The following ANO3 variants were observed in gnomAD, a reference collection of about 807,000 sequenced individuals.
The protein encoded by ANO3 is anoctamin-3.
A neutral mutation model predicts 144.8 loss-of-function variants in ANO3; 99 were observed. The ratio of observed to expected loss-of-function variants is 0.68; its 90% CI spans 0.58 to 0.81. The LOEUF is 0.81. Ranked by LOEUF, ANO3 falls within the 30% of genes least tolerant of loss-of-function variation. The probability of loss-of-function intolerance (pLI) is 0.00; values close to 1 mark genes in which losing one functional copy is unlikely to be tolerated. For missense variants in ANO3, 905 were observed against 1,202.2 expected, an observed-to-expected ratio of 0.75 and a Z score of 3.66; for synonymous variants, 414 against 392.6, an observed-to-expected ratio of 1.05 and a Z score of -0.64.
At chr11:26,450,546 G>C (rs753731654) in intron 3 of ANO3, among the ~76,000 whole-genome samples, 2 of 152,162 alleles carry the variant, frequency 1.3e-5, no homozygotes, top group Admixed American at 1.3e-4. Context: ...GCTTCTGTAG[G>C]ATAATTTTTA....
intron 4 of ANO3, among the ~76,000 whole-genome samples, chr11:26,470,079 G>A (rs73447723): frequency 0.054 from 8,135 of 151,852 alleles, 523 homozygotes; most frequent in African/African-American, 0.15. Context: ...TTAGTTCTAG[G>A]AATTTATGCA....
intron 1 of ANO3, among the ~76,000 whole-genome samples, chr11:26,312,035 T>A (rs1370251055): frequency 2.0e-5 from 3 of 152,126 alleles, no homozygotes; most frequent in African/African-American, 7.2e-5. Context: ...GTGTGTGATG[T>A]TCCCCACCCG....
In ANO3 at chr11:26,573,079, G is replaced by A. The variant is rs563177892; in HGVS notation, c.1447+13300G>A. Among the ~76,000 whole-genome samples the A allele has an allele frequency of 9.2e-5, 14 of 152,256 alleles. No homozygotes were observed. The East Asian group carries it at 1.2e-3, about 13-fold the overall frequency. ...CATCAGCGTTTGGGGATGGCGCCAA[G>A]GGCCGTTCAGCTCAATATGCCTGAG... On this transcript the variant is annotated intron_variant, in intron 14 of 26. Coordinates refer to ENST00000256737, the MANE Select transcript of ANO3 (RefSeq NM_031418.4).
intron 17 of ANO3, among the ~76,000 whole-genome samples, chr11:26,616,308 G>C (rs1456070458): frequency 5.9e-5 from 9 of 152,044 alleles, no homozygotes; most frequent in Non-Finnish European, 1.2e-4. Flanking sequence ...ATGTAGGTTG[G>C]TGCAAAAGTT....
At chr11:26,349,276 A>G (rs1011347879) in intron 1 of ANO3, among the ~76,000 whole-genome samples, 1 of 152,182 alleles carries the variant, frequency 6.6e-6, no homozygotes, top group Non-Finnish European at 1.5e-5. Context: ...CTAAGTTTAG[A>G]TATTACTTCT....
intron 1 of ANO3, among the ~76,000 whole-genome samples, chr11:26,432,595 G>A (rs144885875): frequency 2.6e-5 from 4 of 152,108 alleles, no homozygotes; most frequent in Admixed American, 2.0e-4. Flanking sequence ...ATAAGGAAGG[G>A]GTCCAGTTTC....
At chr11:26,276,135 T>C (rs539214462) in intron 1 of ANO3, among the ~76,000 whole-genome samples, 342 of 152,302 alleles carry the variant, frequency 2.2e-3, no homozygotes, top group African/African-American at 8.1e-3. Flanking sequence ...GGCTGCACTT[T>C]GGAGCCTGGC....
chr11:26,398,424 T>G (rs1857070639), intron 1 of ANO3, among the ~76,000 whole-genome samples: 1 of 152,086 alleles, frequency 6.6e-6, no homozygotes, highest in Admixed American at 6.6e-5. Flanking sequence ...GTATTTCACA[T>G]ATATGTGCAA....
intron 14 of ANO3, among the ~76,000 whole-genome samples, chr11:26,586,327 T>A (rs1306552494): frequency 6.6e-6 from 1 of 150,638 alleles, no homozygotes; most frequent in East Asian, 2.0e-4. Flanking sequence ...TGATTTTATC[T>A]GGGGCTGTCG....
At position 26,660,408 on chromosome 11, in the gene ANO3, A is replaced by G. The variant is rs748571717; in HGVS notation, c.2910A>G (p.Arg970=). The G allele has an allele frequency of 5.6e-6, 9 of 1,612,680 alleles. No individual in the cohort carries two copies. The highest frequency in any genetic ancestry group is 5.9e-6 in the Non-Finnish European group (7 of 1,179,268). The change falls in exon 27 of 27, where the codon AGA becomes AGG. Residue 970 remains arginine (R), a synonymous_variant. Coordinates refer to ENST00000256737, the MANE Select transcript of ANO3 (RefSeq NM_031418.4). The part of the protein sequence containing the change: ...AELEHLQQQR[R]KSGQPVHHEW... ...TGGAACATTTGCAACAACAACGGAGAAAAAGTGGTCAGCCTGTTCACCATG... is the reference window on the plus strand; with the variant it reads ...TGGAACATTTGCAACAACAACGGAGGAAAAGTGGTCAGCCTGTTCACCATG...
At chr11:26,640,391 G>A (rs1424916131) in intron 21 of ANO3, among the ~76,000 whole-genome samples, 1 of 152,166 alleles carries the variant, frequency 6.6e-6, no homozygotes, top group African/African-American at 2.4e-5. Flanking sequence ...CCTAAACAAA[G>A]AGAGAATAGA....
intron 1 of ANO3, among the ~76,000 whole-genome samples, chr11:26,231,099 A>T (rs1211622293): frequency 6.6e-6 from 1 of 151,918 alleles, no homozygotes; most frequent in African/African-American, 2.4e-5. Flanking sequence ...GGCTGGTCTC[A>T]AACTCCTTAC....
chr11:26,311,036 T>C (rs1854490651), intron 1 of ANO3, among the ~76,000 whole-genome samples: 1 of 152,150 alleles, frequency 6.6e-6, no homozygotes, highest in Non-Finnish European at 1.5e-5. Flanking sequence ...CAGGTCATTA[T>C]CAGAAGTTTC....
chr11:26,437,148 A>G (rs1858324952), intron 1 of ANO3, among the ~76,000 whole-genome samples: 1 of 152,182 alleles, frequency 6.6e-6, no homozygotes, highest in Admixed American at 6.5e-5. Context: ...CCTGCAGACC[A>G]TCACTGCTCA....
At chr11:26,416,940 C>G (rs1857606216) in intron 1 of ANO3, among the ~76,000 whole-genome samples, 2 of 152,004 alleles carry the variant, frequency 1.3e-5, no homozygotes, top group Admixed American at 1.3e-4. Context: ...AAACTATCCT[C>G]TAATAGTTTT....
chr11:26,355,347 A>G (rs1855751600), intron 1 of ANO3, among the ~76,000 whole-genome samples: 1 of 151,982 alleles, frequency 6.6e-6, no homozygotes, highest in African/African-American at 2.4e-5. Context: ...TTTTCCTTTC[A>G]TCACTTTTAT....
chr11:26,323,186 T>C (rs1390046002), intron 1 of ANO3, among the ~76,000 whole-genome samples: 1 of 152,058 alleles, frequency 6.6e-6, no homozygotes, highest in African/African-American at 2.4e-5. Context: ...AGACCTGAAA[T>C]CATCTATTTA....
intron 1 of ANO3, among the ~76,000 whole-genome samples, chr11:26,316,215 T>C (rs925684539): frequency 1.4e-4 from 22 of 152,048 alleles, no homozygotes; most frequent in Admixed American, 1.1e-3. Context: ...ACACACAAGA[T>C]AGTGAAAGCT....
rs1358829602 is a variant in ANO3, at chr11:26,529,128, TA to T, written c.738-2076del. ...TATATTATTAATAATATATATTATA[TA>T]TAATATATATTATATAATAATATAT... On this transcript the variant is annotated intron_variant, in intron 7 of 26. Transcript: ENST00000256737. 1.4e-3 allele frequency among the ~76,000 whole-genome samples: 3 copies of T among 2,210 alleles called. No homozygotes were observed. In the Non-Finnish European group the frequency reaches 0.045, roughly 33 times the overall value. The allele number at this position is 2,210 out of a possible 152,430, so 1.4% of individuals were successfully genotyped here.
Sources: allele counts gnomAD v4.1 joint callset (sites outside exome capture counted in the v4.1 genomes callset), GRCh38; gene constraint gnomAD v4.1.1; transcripts MANE v1.5; gene names NCBI Gene and HGNC (gene_info 2026-07-23, HGNC 2026-07-21).